LAMB4: variants seen among roughly 807,000 people sequenced by gnomAD.
LAMB4 encodes the protein laminin subunit beta 4.
Under a neutral mutation model 199.2 loss-of-function variants are expected in LAMB4, and 196 were observed. That is an observed-to-expected ratio of 0.98 (90% CI 0.88 to 1.11). LAMB4 has a LOEUF of 1.11. Ranked by LOEUF, LAMB4 falls within the 50% of genes least tolerant of loss-of-function variation. The pLI, the probability that LAMB4 is intolerant of heterozygous loss-of-function variation, is 0.00. For synonymous variants in LAMB4, 744 were observed against 770.6 expected, an observed-to-expected ratio of 0.97 and a Z score of 0.57; for missense variants, 2,080 against 2,171.2, an observed-to-expected ratio of 0.96 and a Z score of 0.83.
At chr7:108,016,867 T>C in the LAMB4 span, among the ~76,000 whole-genome samples, 5 of 152,206 alleles carry the variant, frequency 3.3e-5, no homozygotes, top group Non-Finnish European at 5.9e-5. Context: ...CTTGGTGCCA[T>C]GTTGGGATGA....
intron 3 of LAMB4, among the ~76,000 whole-genome samples, chr7:108,114,668 C>T (rs1274128385): frequency 6.6e-6 from 1 of 152,180 alleles, no homozygotes; most frequent in Non-Finnish European, 1.5e-5. Flanking sequence ...CAAAGCATTT[C>T]CCAGAGACTT....
intron 9 of LAMB4, 151 bp from the exon 10 acceptor site, chr7:108,103,383 A>G (rs2037885824): frequency 1.8e-6 from 1 of 567,584 alleles, no homozygotes; most frequent in Non-Finnish European, 3.0e-6. Context: ...CACAGGGCCA[A>G]AATGTGTGCC....
At chr7:108,067,841 G>T (rs2036394952) in intron 19 of LAMB4, among the ~76,000 whole-genome samples, 175 bp downstream of exon 19, 1 of 152,186 alleles carries the variant, frequency 6.6e-6, no homozygotes, top group Non-Finnish European at 1.5e-5. Flanking sequence ...TTGATGAATG[G>T]ATGAATGAAG....
the LAMB4 span, among the ~76,000 whole-genome samples, chr7:108,017,463 C>T: frequency 2.0e-5 from 3 of 152,152 alleles, no homozygotes; most frequent in African/African-American, 4.8e-5. Flanking sequence ...ACTGTCTTCT[C>T]ATAAAATTGG....
rs558446307 is a variant in LAMB4 at position 108,129,973 on chromosome 7, A to G, written c.-34+333T>C. 1.9e-4 allele frequency among the ~76,000 whole-genome samples: 29 copies of G among 152,388 alleles called. No homozygotes were observed. In the South Asian group the frequency reaches 2.5e-3, roughly 13 times the overall value. ...ATAAGTTGTCATAAGTTTTATAACC[A>G]TAACAAAAACAAACATTTGCTGAAA... is the stretch of plus-strand genomic sequence containing the variant. On this transcript the variant is annotated intron_variant, in intron 1 of 33. Transcript: ENST00000388781.
chr7:108,069,858 A>G lies in LAMB4; in HGVS notation c.2152T>C (p.Leu718=), dbSNP rs773567487. Residue 718 remains leucine, a synonymous_variant, in exon 18 of 34, where the codon TTG becomes CTG. Transcript: ENST00000388781. ...SLGLIPQINS[L]ENFCSKQDLD... ...TCCTGCTTGCTGCAGAAATTCTCCAATGAATTGATTTGGGGAATAAGGCCA... is the reference window on the plus strand; with the variant it reads ...TCCTGCTTGCTGCAGAAATTCTCCAGTGAATTGATTTGGGGAATAAGGCCA... The G allele has an allele frequency of 2.0e-5, 32 of 1,613,350 alleles. No individual in the cohort carries two copies. The highest frequency in any genetic ancestry group is 1.7e-4 in the Middle Eastern group (1 of 6,022).
intron 32 of LAMB4, among the ~76,000 whole-genome samples, chr7:108,029,874 CT>C (rs1563028347): frequency 6.6e-6 from 1 of 152,062 alleles, no homozygotes; most frequent in African/African-American, 2.4e-5. Context: ...AATCCCAGCA[CT>C]TTAGGAGGCC....
intron 33 of LAMB4, among the ~76,000 whole-genome samples, chr7:108,028,231 G>C (rs994097107): frequency 1.2e-4 from 18 of 152,160 alleles, no homozygotes; most frequent in Non-Finnish European, 4.4e-5. Context: ...CTTTTGGAGA[G>C]TTATTTTCAT....
At chr7:108,128,770 G>A (rs1031447205) in intron 1 of LAMB4, among the ~76,000 whole-genome samples, 1 of 152,124 alleles carries the variant, frequency 6.6e-6, no homozygotes. Flanking sequence ...ACTGCTTTTC[G>A]GGTTGGTTTA....
Position 108,108,255 on chromosome 7 carries a change from C to T in LAMB4, c.403-436G>A, listed in dbSNP as rs557172199. 4.1e-4 allele frequency among the ~76,000 whole-genome samples: 62 copies of T among 152,316 alleles called. 1 individual carries two copies. The highest frequency in any genetic ancestry group is 1.4e-3 in the African/African-American group (59 of 41,568). The stretch of plus-strand genomic sequence containing the variant: ...GGTCTATCTTTTAAAATCTACTACA[C>T]AATACACACACCACAGTCTCTTTTC... On this transcript the variant is annotated intron_variant, in intron 5 of 33. Transcript: ENST00000388781.
chr7:108,047,373 C>T (rs1345699748), intron 28 of LAMB4, among the ~76,000 whole-genome samples: 1 of 152,148 alleles, frequency 6.6e-6, no homozygotes, highest in Non-Finnish European at 1.5e-5. Context: ...TCCTCCTCCT[C>T]AGCCTACTCA....
chr7:108,031,439 T>C lies in LAMB4; in HGVS notation c.4819-460A>G, dbSNP rs996099260. On this transcript the variant is annotated intron_variant, in intron 31 of 33. Transcript: ENST00000388781. ...GAATAGCCATGTATCCACCAGCCAG[T>C]TTAAGAATAAAACATTAACAATGAG... 6.8e-5 allele frequency among the ~76,000 whole-genome samples: 10 copies of C among 147,276 alleles called. No individual in the cohort carries two copies. The East Asian group carries it at 2.0e-3, about 29-fold the overall frequency.
chr7:108,084,548 G>C (rs769076680), intron 14 of LAMB4, among the ~76,000 whole-genome samples: 1 of 152,152 alleles, frequency 6.6e-6, no homozygotes, highest in African/African-American at 2.4e-5. Context: ...CTGCTTCCTT[G>C]TTGACCCATT....
At chr7:108,094,054 G>C (rs2037507360) in intron 12 of LAMB4, among the ~76,000 whole-genome samples, 1 of 152,234 alleles carries the variant, frequency 6.6e-6, no homozygotes, top group Non-Finnish European at 1.5e-5. Flanking sequence ...GAGAGATGTG[G>C]ATGTGGAGAA....
chr7:108,039,341 A>G (rs749225618), intron 29 of LAMB4, among the ~76,000 whole-genome samples: 3 of 152,150 alleles, frequency 2.0e-5, no homozygotes, highest in Non-Finnish European at 4.4e-5. Flanking sequence ...TTTTCTTAAT[A>G]TAAATGAAAT....
chr7:108,030,844 C>G lies in LAMB4; in HGVS notation c.4954G>C (p.Ala1652Pro). Residue 1652 changes from alanine to proline, a missense_variant, in exon 32 of 34, where the codon GCT becomes CCT. Physicochemically the swap from Ala to Pro is conservative, Grantham distance 27. Coordinates refer to ENST00000388781, the MANE Select transcript of LAMB4 (RefSeq NM_007356.3). Reference sequence around the variant, plus strand: ...CCAGCCTGGTGTTGGGCAGATTCAGCCTGAACTTTCGCATTGACAGCGTGG... The same window carrying G: ...CCAGCCTGGTGTTGGGCAGATTCAGGCTGAACTTTCGCATTGACAGCGTGG... ...QDHAVNAKVQ[A>P]ESAQHQAGSL... 1.2e-6 allele frequency: 2 copies of G among 1,614,160 alleles called. No homozygotes were observed. The highest frequency in any genetic ancestry group is 1.7e-6 in the Non-Finnish European group (2 of 1,180,002).
At position 108,092,322 on chromosome 7, in the gene LAMB4, A is replaced by T; in HGVS notation, c.1550+15T>A. Reference sequence around the variant, plus strand: ...TTTAAATAAGGAATATTGCTATAAAACTTATTTGACTTACACGTTAGAATA... The same window carrying T: ...TTTAAATAAGGAATATTGCTATAAATCTTATTTGACTTACACGTTAGAATA... On this transcript the variant is annotated intron_variant, in intron 13 of 33. Transcript: ENST00000388781. The T allele has an allele frequency of 1.3e-6, 2 of 1,592,262 alleles. No homozygotes were observed. The highest frequency in any genetic ancestry group is 1.7e-6 in the Non-Finnish European group (2 of 1,160,162).
chr7:108,069,700 ATACT>A lies in LAMB4; in HGVS notation c.2302+4_2302+7del. The A allele has an allele frequency of 6.2e-7, 1 of 1,612,100 alleles. No individual in the cohort carries two copies. The highest frequency in any genetic ancestry group is 1.3e-5 in the African/African-American group (1 of 74,994). Reference sequence around the variant, plus strand: ...TGCCTCAGTAGAGCCCATTAAACAGATACTTACCCACAGCCCCATCATGCAGCTT... The same window carrying A: ...TGCCTCAGTAGAGCCCATTAAACAGATACCCACAGCCCCATCATGCAGCTT... On this transcript the variant is annotated splice_donor_5th_base_variant and intron_variant, in intron 18 of 33. Transcript: ENST00000388781.
chr7:108,111,675 G>T, intron 4 of LAMB4, 136 bp downstream of exon 4: 2 of 672,836 alleles, frequency 3.0e-6, no homozygotes, highest in Non-Finnish European at 4.9e-6. Flanking sequence ...TCTTATATGG[G>T]TCTCTACATT....
Sources: gnomAD v4.1 joint callset for allele counts (sites outside exome capture counted in the v4.1 genomes callset) on GRCh38, gnomAD v4.1.1 for gene constraint, MANE v1.5 for transcripts, NCBI Gene and HGNC (gene_info 2026-07-23, HGNC 2026-07-21) for gene names.